The following CACNB2 variants were observed in gnomAD, a reference collection of about 807,000 sequenced individuals.
CACNB2 encodes the protein voltage-dependent L-type calcium channel subunit beta-2.
CACNB2 carries 42 observed loss-of-function variants against 73.3 expected under a neutral mutation model. That is an observed-to-expected ratio of 0.57 (90% CI 0.45 to 0.74). CACNB2 has a LOEUF of 0.74. Ranked by LOEUF, CACNB2 falls within the 30% of genes least tolerant of loss-of-function variation. The pLI is 0.00. For synonymous variants in CACNB2, 348 were observed against 310.3 expected (o/e 1.12, Z -1.28); for missense variants, 940 against 853.0 (o/e 1.10, Z -1.27).
intron 2 of CACNB2, among the ~76,000 whole-genome samples, chr10:18,156,278 C>A (rs2032037855): frequency 6.6e-6 from 1 of 152,214 alleles, no homozygotes; most frequent in Admixed American, 6.5e-5. Context: ...AGAACAGCAG[C>A]TACCTTGAAA....
chr10:18,530,795 T>C (rs2052939522), intron 10 of CACNB2, among the ~76,000 whole-genome samples: 1 of 152,194 alleles, frequency 6.6e-6, no homozygotes. Context: ...TGCATGTGGA[T>C]TAATTTAGTC....
At chr10:18,535,292 T>TTTG (rs2053453120) in intron 11 of CACNB2, among the ~76,000 whole-genome samples, 1 of 152,166 alleles carries the variant, frequency 6.6e-6, no homozygotes, top group Non-Finnish European at 1.5e-5. Context: ...CAAAGAAGAC[T>TTTG]ATACTAAATT....
rs957126729 is a variant in CACNB2 at position 18,398,101 on chromosome 10, T to C, written c.214-3823T>C. On this transcript the variant is annotated intron_variant, in intron 2 of 13. Transcript: ENST00000324631. ...CCGCCAGCTGTTCCTGACTGAAGAC[T>C]ACTTGAGGCACGATGACCCAGAAAG... is the stretch of plus-strand genomic sequence containing the variant. Among the ~76,000 whole-genome samples the C allele has an allele frequency of 2.6e-5, 4 of 152,208 alleles. No homozygotes were observed. The East Asian group carries it at 5.8e-4, about 22-fold the overall frequency.
chr10:18,486,802 C>A (rs886118419), intron 3 of CACNB2, among the ~76,000 whole-genome samples: 3 of 152,128 alleles, frequency 2.0e-5, no homozygotes, highest in African/African-American at 7.2e-5. Context: ...CTGGACCATC[C>A]TTTTGGGTCT....
intron 2 of CACNB2, among the ~76,000 whole-genome samples, chr10:18,220,494 T>G (rs1490874384): frequency 2.6e-5 from 4 of 151,678 alleles, no homozygotes; most frequent in African/African-American, 9.7e-5. Context: ...AATCCTGACC[T>G]CAAGTCATCT....
At chr10:18,288,940 G>A (rs1304081394) in intron 2 of CACNB2, among the ~76,000 whole-genome samples, 1 of 152,100 alleles carries the variant, frequency 6.6e-6, no homozygotes, top group African/African-American at 2.4e-5. Flanking sequence ...AGCTACTCAG[G>A]AGGTTGAAGT....
intron 3 of CACNB2, among the ~76,000 whole-genome samples, chr10:18,473,402 C>T (rs539802217): frequency 1.3e-5 from 2 of 152,322 alleles, no homozygotes; most frequent in African/African-American, 2.4e-5. Context: ...AGATTTATTA[C>T]AGCCTTTTAA....
At chr10:18,299,775 C>T (rs996106776) in intron 2 of CACNB2, among the ~76,000 whole-genome samples, 5 of 152,220 alleles carry the variant, frequency 3.3e-5, no homozygotes, top group African/African-American at 1.2e-4. Context: ...ACTCATGTTG[C>T]TGATGGTTGT....
chr10:18,169,783 A>G (rs1769259407), intron 2 of CACNB2, among the ~76,000 whole-genome samples: 1 of 152,188 alleles, frequency 6.6e-6, no homozygotes, highest in African/African-American at 2.4e-5. Flanking sequence ...CTGATCGTCT[A>G]AAAGAGGGAA....
At chr10:18,510,591 C>G (rs1388652615) in intron 6 of CACNB2, among the ~76,000 whole-genome samples, 3 of 152,222 alleles carry the variant, frequency 2.0e-5, no homozygotes, top group Admixed American at 6.5e-5. Context: ...GCATGAGCCA[C>G]CATGCCCAGC....
intron 10 of CACNB2, 97 bp from the exon 11 acceptor site, chr10:18,533,979 T>C (rs965099952): frequency 8.8e-7 from 1 of 1,142,772 alleles, no homozygotes; most frequent in Non-Finnish European, 1.3e-6. Context: ...ATTAACATAA[T>C]GGCTGACCTA....
chr10:18,229,615 C>A (rs1490318150), intron 2 of CACNB2, among the ~76,000 whole-genome samples: 10 of 152,040 alleles, frequency 6.6e-5, no homozygotes, highest in Non-Finnish European at 1.3e-4. Flanking sequence ...AAAATATTAA[C>A]AAAATGACAG....
intron 3 of CACNB2, among the ~76,000 whole-genome samples, chr10:18,489,256 G>T (rs1040662555): frequency 1.3e-5 from 2 of 151,926 alleles, no homozygotes; most frequent in Non-Finnish European, 2.9e-5. Context: ...TGGACATGGT[G>T]GTGGGTGCCT....
chr10:18,483,400 G>A (rs567308298), intron 3 of CACNB2, among the ~76,000 whole-genome samples: 143 of 151,660 alleles, frequency 9.4e-4, no homozygotes, highest in Middle Eastern at 6.8e-3. Context: ...GCATGGTGGC[G>A]GGTTCCTATA....
At chr10:18,437,427 A>G (rs1404328004) in intron 3 of CACNB2, among the ~76,000 whole-genome samples, 1 of 152,166 alleles carries the variant, frequency 6.6e-6, no homozygotes, top group African/African-American at 2.4e-5. Flanking sequence ...CGTTGACCCA[A>G]AGCTTTACCA....
intron 3 of CACNB2, among the ~76,000 whole-genome samples, chr10:18,473,590 T>C (rs1019218513): frequency 1.3e-5 from 2 of 152,172 alleles, no homozygotes; most frequent in Non-Finnish European, 2.9e-5. Flanking sequence ...TCTGGACTTA[T>C]TAGTGTCTGG....
chr10:18,148,912 G>A (rs901577786), intron 1 of CACNB2, among the ~76,000 whole-genome samples: 7 of 151,660 alleles, frequency 4.6e-5, no homozygotes, highest in Non-Finnish European at 8.8e-5. Flanking sequence ...AGGATTGCTT[G>A]AGCCCAGAGG....
chr10:18,358,598 C>T (rs1463036954), intron 2 of CACNB2, among the ~76,000 whole-genome samples: 1 of 140,452 alleles, frequency 7.1e-6, no homozygotes, highest in East Asian at 2.4e-4. Context: ...TGCAGTATGA[C>T]ATCTGGTTTT....
intron 5 of CACNB2, among the ~76,000 whole-genome samples, chr10:18,505,245 G>GAA (rs759211484): frequency 7.1e-4 from 88 of 123,348 alleles, no homozygotes; most frequent in African/African-American, 1.6e-3. Context: ...TAATACTTCA[G>GAA]AAAAAAAAAA....
Sources: allele counts gnomAD v4.1 joint callset (sites outside exome capture counted in the v4.1 genomes callset), GRCh38; gene constraint gnomAD v4.1.1; transcripts MANE v1.5; gene names NCBI Gene and HGNC (gene_info 2026-07-23, HGNC 2026-07-21).